Variants in GALNT13 observed in about 807,000 individuals in gnomAD.
The protein encoded by GALNT13 is polypeptide N-acetylgalactosaminyltransferase 13, also known as UDP-GalNAc:polypeptide N-acetylgalactosaminyltransferase 13.
Under a neutral mutation model 64.2 loss-of-function variants are expected in GALNT13, and 28 were observed. The observed-to-expected ratio is 0.44, with a 90% CI of 0.32 to 0.60. The LOEUF (loss-of-function observed/expected upper bound fraction) is 0.60, where lower values mean the gene tolerates loss of function less well. Ranked by LOEUF, GALNT13 falls within the 20% of genes least tolerant of loss-of-function variation. GALNT13 has a pLI of 0.05. For missense variants in GALNT13, 577 were observed against 669.8 expected, an observed-to-expected ratio of 0.86 and a Z score of 1.53; for synonymous variants, 214 against 224.6, an observed-to-expected ratio of 0.95 and a Z score of 0.42.
intron 8 of GALNT13, among the ~76,000 whole-genome samples, chr2:154,274,353 A>C (rs549291403): frequency 1.1e-4 from 17 of 152,292 alleles, no homozygotes; most frequent in Middle Eastern, 6.8e-3. Flanking sequence ...AGTCTTGTGA[A>C]AAGAAGCAGA....
At chr2:153,099,080 T>A in the GALNT13 span, among the ~76,000 whole-genome samples, 1 of 152,122 alleles carries the variant, frequency 6.6e-6, no homozygotes, top group African/African-American at 2.4e-5. Context: ...GCCACTGCAC[T>A]CCAGCCTGGG....
chr2:153,911,884 G>T (rs1272034501), intron 2 of GALNT13, among the ~76,000 whole-genome samples: 2 of 151,852 alleles, frequency 1.3e-5, no homozygotes, highest in Non-Finnish European at 2.9e-5. Context: ...ATGTGTCTTG[G>T]GGATGGTCTT....
chr2:153,576,058 C>T, the GALNT13 span, among the ~76,000 whole-genome samples: 6 of 152,224 alleles, frequency 3.9e-5, no homozygotes, highest in South Asian at 6.2e-4. Flanking sequence ...ATTCCAGGAG[C>T]TCAGACCTGG....
the GALNT13 span, among the ~76,000 whole-genome samples, chr2:153,398,141 C>G: frequency 7.0e-6 from 1 of 143,606 alleles, no homozygotes; most frequent in South Asian, 2.3e-4. Context: ...TCTCATTGTT[C>G]AATTCCCACC....
intron 3 of GALNT13, among the ~76,000 whole-genome samples, chr2:154,128,867 A>G (rs1190655484): frequency 6.6e-6 from 1 of 152,124 alleles, no homozygotes; most frequent in Non-Finnish European, 1.5e-5. Flanking sequence ...AAAATCAAGT[A>G]ATCATTTAGG....
At chr2:154,369,558 T>C (rs1574177356) in intron 9 of GALNT13, among the ~76,000 whole-genome samples, 1 of 152,254 alleles carries the variant, frequency 6.6e-6, no homozygotes, top group East Asian at 1.9e-4. Flanking sequence ...GGTTCTATGG[T>C]TTGAATATTT....
the GALNT13 span, among the ~76,000 whole-genome samples, chr2:153,153,535 A>G: frequency 6.6e-6 from 1 of 152,082 alleles, no homozygotes; most frequent in Non-Finnish European, 1.5e-5. Context: ...TTTTACATTT[A>G]AGTCTTTAAT....
the GALNT13 span, among the ~76,000 whole-genome samples, chr2:153,360,220 G>A: frequency 1.5e-4 from 23 of 152,338 alleles, no homozygotes; most frequent in Non-Finnish European, 2.8e-4. Context: ...AGCCAAGGGA[G>A]GTGGTGAGTG....
At chr2:154,171,813 A>G (rs753677997) in intron 4 of GALNT13, among the ~76,000 whole-genome samples, 4 of 152,092 alleles carry the variant, frequency 2.6e-5, no homozygotes, top group Non-Finnish European at 5.9e-5. Context: ...CACTAATGAT[A>G]TAATCCATTT....
chr2:153,195,346 C>G, the GALNT13 span, among the ~76,000 whole-genome samples: 1 of 152,156 alleles, frequency 6.6e-6, no homozygotes, highest in Non-Finnish European at 1.5e-5. Context: ...GAACTCATGC[C>G]TCCAAGGGAA....
At chr2:153,173,077 A>ATATATCTATATCTATATC in the GALNT13 span, 2 of 150,894 alleles carry the variant, frequency 1.3e-5, no homozygotes, top group African/African-American at 4.9e-5. Flanking sequence ...ATCTTGTAAT[A>ATATATCTATATCTATATC]TATATCTATA....
At chr2:153,588,194 G>T in the GALNT13 span, among the ~76,000 whole-genome samples, 1 of 152,176 alleles carries the variant, frequency 6.6e-6, no homozygotes, top group African/African-American at 2.4e-5. Flanking sequence ...CAGGCAAAGG[G>T]TAAAAGATGT....
intron 2 of GALNT13, among the ~76,000 whole-genome samples, chr2:153,935,605 G>A (rs1390912251): frequency 1.3e-5 from 2 of 152,166 alleles, no homozygotes; most frequent in Non-Finnish European, 2.9e-5. Flanking sequence ...CTTTTTGGGA[G>A]CAGCCATTTA....
chr2:153,763,611 A>G, the GALNT13 span, among the ~76,000 whole-genome samples: 1 of 152,196 alleles, frequency 6.6e-6, no homozygotes, highest in Admixed American at 6.5e-5. Context: ...CTGTGAGTCA[A>G]CTAAATCTCT....
At chr2:153,854,380 G>C in the GALNT13 span, among the ~76,000 whole-genome samples, 7 of 151,958 alleles carry the variant, frequency 4.6e-5, no homozygotes, top group Non-Finnish European at 8.8e-5. Flanking sequence ...AGGAGTTCAA[G>C]ACCAGCCTGG....
At chr2:153,815,303 G>T in the GALNT13 span, among the ~76,000 whole-genome samples, 2 of 152,056 alleles carry the variant, frequency 1.3e-5, no homozygotes, top group East Asian at 3.9e-4. Context: ...TTTAAATTTT[G>T]TTCATACTTT....
chr2:153,647,181 T>C, the GALNT13 span, among the ~76,000 whole-genome samples: 1 of 152,202 alleles, frequency 6.6e-6, no homozygotes, highest in Non-Finnish European at 1.5e-5. Flanking sequence ...TGATATCTCA[T>C]TGTTGTTTTG....
At chr2:154,158,143 A>G (rs755859048) in intron 4 of GALNT13, among the ~76,000 whole-genome samples, 1 of 152,122 alleles carries the variant, frequency 6.6e-6, no homozygotes, top group Admixed American at 6.6e-5. Context: ...ATCTCATGGT[A>G]TTCTGGATAT....
intron 4 of GALNT13, among the ~76,000 whole-genome samples, chr2:154,228,496 C>G (rs1026068211): frequency 6.6e-6 from 1 of 152,126 alleles, no homozygotes. Flanking sequence ...CTGAAATCGT[C>G]CCCTGGATGT....
Sources: allele counts gnomAD v4.1 joint callset (sites outside exome capture counted in the v4.1 genomes callset), GRCh38; gene constraint gnomAD v4.1.1; transcripts MANE v1.5; gene names NCBI Gene and HGNC (gene_info 2026-07-23, HGNC 2026-07-21).